Variants in DIAPH2 observed in about 807,000 individuals in gnomAD.
DIAPH2 encodes the protein diaphanous related formin 2, also known as protein diaphanous homolog 2.
DIAPH2 carries 35 observed loss-of-function variants against 92.7 expected under a neutral mutation model. That is an observed-to-expected ratio of 0.38 (90% confidence interval 0.29 to 0.50). The LOEUF (loss-of-function observed/expected upper bound fraction) is 0.50. Among genes scored for constraint, DIAPH2 ranks in the 20% least tolerant of loss-of-function variants. The pLI is 0.94. For synonymous variants in DIAPH2, 301 were observed against 280.4 expected, an observed-to-expected ratio of 1.07 and a Z score of -0.73; for missense variants, 701 against 819.5, an observed-to-expected ratio of 0.86 and a Z score of 1.77.
rs1298008224 is a variant in DIAPH2 at position 97,599,369 on chromosome X, T to G, written c.*52T>G. 1 of 916,748 alleles carries G rather than the reference T, an allele frequency of 1.1e-6. No individual in the cohort carries two copies. Among genetic ancestry groups the G allele is most frequent in the Admixed American group, 2.6e-5 (1 of 38,685 alleles). The allele number at this position is 916,748 out of a possible 1,213,427, so 75.6% of individuals were successfully genotyped here. A position where few individuals can be genotyped will look rare whatever the true frequency, so the allele number is the denominator to read the frequency against. The stretch of plus-strand genomic sequence containing the variant: ...ATTTAAGTAAAAACAAAATGATGCA[T>G]TTTGAGAAGAACAAAGTGTGCACTC... On this transcript the variant is annotated 3_prime_UTR_variant, in exon 27 of 27. Transcript: ENST00000324765.
At chrX:97,575,500 G>C (rs2071394944) in intron 26 of DIAPH2, among the ~76,000 whole-genome samples, 1 of 112,043 alleles carries the variant, frequency 8.9e-6, no homozygotes, top group South Asian at 3.7e-4. Context: ...CTCCAAATAA[G>C]GTTACCTCAT....
rs1393060257 is a variant in DIAPH2 at position 97,061,809 on chromosome X, G to A, written c.2051-11132G>A. Among the ~76,000 whole-genome samples, 120 of 34,027 alleles carry A rather than the reference G, an allele frequency of 3.5e-3. 1 individual carries two copies. The highest frequency in any genetic ancestry group is 0.011 in the South Asian group (3 of 264). The allele number at this position is 34,027 out of a possible 115,157, so 29.5% of individuals were successfully genotyped here. ...AGCCTGGGCAACAGATTGAGACTCC[G>A]TCTCAAAAAAAAAAAAAAAAAAAAA... On this transcript the variant is annotated intron_variant, in intron 17 of 26. Transcript: ENST00000324765.
intron 22 of DIAPH2, among the ~76,000 whole-genome samples, chrX:97,165,641 G>A (rs965868344): frequency 9.7e-6 from 1 of 102,780 alleles, no homozygotes; most frequent in African/African-American, 3.4e-5. Flanking sequence ...CTACAGGCAC[G>A]TGCCACCATG....
At chrX:96,780,508 G>A (rs777861457) in intron 4 of DIAPH2, among the ~76,000 whole-genome samples, 1 of 111,270 alleles carries the variant, frequency 9.0e-6, no homozygotes, top group South Asian at 3.8e-4. Context: ...TTGAGATGGA[G>A]TCTTGCTCTG....
intron 25 of DIAPH2, among the ~76,000 whole-genome samples, chrX:97,405,045 C>A (rs2069795602): frequency 8.9e-6 from 1 of 112,019 alleles, no homozygotes; most frequent in Admixed American, 9.5e-5. Context: ...TTATTCAATT[C>A]TCAGTGAGTT....
intron 20 of DIAPH2, among the ~76,000 whole-genome samples, chrX:97,113,455 T>C (rs2147377750): frequency 8.9e-6 from 1 of 112,201 alleles, no homozygotes; most frequent in East Asian, 2.8e-4. Context: ...TCATAAGTGA[T>C]GAGACCTACA....
At chrX:97,061,997 T>C (rs1206325270) in intron 17 of DIAPH2, among the ~76,000 whole-genome samples, 1 of 111,801 alleles carries the variant, frequency 8.9e-6, no homozygotes, top group African/African-American at 3.3e-5. Context: ...ATAAATAGTT[T>C]TAATTAATGC....
chrX:97,582,276 T>C (rs1449922166), intron 26 of DIAPH2, among the ~76,000 whole-genome samples: 2 of 59,632 alleles, frequency 3.4e-5, no homozygotes, highest in Non-Finnish European at 6.1e-5. Context: ...CGATGGTCTT[T>C]ACATTTTAGC....
chrX:97,034,342 T>C (rs1026629235), intron 17 of DIAPH2, among the ~76,000 whole-genome samples: 1 of 111,009 alleles, frequency 9.0e-6, no homozygotes, highest in African/African-American at 3.3e-5. Flanking sequence ...TAGAAACGTA[T>C]GTATGATATA....
chrX:96,965,111 T>A lies in DIAPH2; in HGVS notation c.1954T>A (p.Ser652Thr), dbSNP rs747031167. The A allele has an allele frequency of 1.7e-6, 2 of 1,197,112 alleles. No homozygotes were observed. The highest frequency in any genetic ancestry group is 2.3e-6 in the Non-Finnish European group (2 of 887,851). The part of the protein sequence containing the change: ...NWSKIEPTEL[S>T]ENCFWLRVKE... ...GTTTCAGATTGAACCCACAGAATTA[T>A]CTGAGAACTGTTTCTGGTTAAGAGT... Residue 652 changes from serine (S) to threonine (T), a missense_variant, in exon 17 of 27, where the codon TCT becomes ACT. By Grantham distance (58) the Ser-to-Thr change is moderately conservative. This residue lies in a region of DIAPH2 where 536 missense variants were observed against 599.3 expected (regional missense o/e 0.89). Transcript: ENST00000324765.
intron 22 of DIAPH2, among the ~76,000 whole-genome samples, chrX:97,215,337 T>C (rs946415878): frequency 1.2e-4 from 13 of 111,738 alleles, no homozygotes; most frequent in Non-Finnish European, 2.4e-4. Flanking sequence ...TTCTTTCTAA[T>C]GCAAGAATTC....
intron 9 of DIAPH2, among the ~76,000 whole-genome samples, chrX:96,926,072 G>A (rs1421706156): frequency 9.0e-6 from 1 of 111,427 alleles, no homozygotes; most frequent in Admixed American, 9.6e-5. Context: ...AATTTTAAAT[G>A]TACAATTTGT....
At chrX:97,377,196 G>A (rs2069508853) in intron 24 of DIAPH2, among the ~76,000 whole-genome samples, 1 of 112,040 alleles carries the variant, frequency 8.9e-6, no homozygotes, top group Non-Finnish European at 1.9e-5. Flanking sequence ...AGGACTTGAA[G>A]GACCTGCCCG....
chrX:96,749,927 G>C (rs1408854452), intron 3 of DIAPH2, among the ~76,000 whole-genome samples: 4 of 110,964 alleles, frequency 3.6e-5, no homozygotes, highest in African/African-American at 1.3e-4. Flanking sequence ...AGCTGGGTCT[G>C]TCTGTGTGGC....
chrX:96,951,255 C>CTG (rs1397805192), intron 15 of DIAPH2, among the ~76,000 whole-genome samples: 1 of 111,727 alleles, frequency 9.0e-6, no homozygotes, highest in African/African-American at 3.3e-5. Context: ...CTTTGCTCAT[C>CTG]TGTGTGTGTG....
At chrX:96,894,381 A>T (rs1355597662) in intron 5 of DIAPH2, among the ~76,000 whole-genome samples, 2 of 111,123 alleles carry the variant, frequency 1.8e-5, no homozygotes, top group Non-Finnish European at 3.8e-5. Flanking sequence ...TGAAGATTGG[A>T]GTGCTGTAGT....
chrX:96,967,415 C>CATTCATTT (rs1354895818), intron 17 of DIAPH2, among the ~76,000 whole-genome samples: 1 of 109,948 alleles, frequency 9.1e-6, no homozygotes, highest in African/African-American at 3.3e-5. Context: ...TTCATTCATT[C>CATTCATTT]ATTCATTCAT....
chrX:97,137,644 G>C, intron 21 of DIAPH2, among the ~76,000 whole-genome samples: 1 of 110,578 alleles, frequency 9.0e-6, no homozygotes, highest in East Asian at 2.9e-4. Flanking sequence ...CAAAAAGGAA[G>C]GGCGTCCACA....
chrX:97,471,583 G>A (rs765312078), intron 26 of DIAPH2, among the ~76,000 whole-genome samples: 44 of 107,468 alleles, frequency 4.1e-4, no homozygotes, highest in African/African-American at 1.1e-3. Context: ...CCAACTACTC[G>A]GGAGGCTGAG....
Sources: gnomAD v4.1 joint callset for allele counts (sites outside exome capture counted in the v4.1 genomes callset) on GRCh38, gnomAD v4.1.1 for gene constraint, gnomAD v4.1.1 regional missense constraint, MANE v1.5 for transcripts, NCBI Gene and HGNC (gene_info 2026-07-23, HGNC 2026-07-21) for gene names.